Variants in RILP observed in about 807,000 individuals in gnomAD.
RILP encodes the protein Rab interacting lysosomal protein.
In RILP, 53 loss-of-function variants were observed where a neutral mutation model predicts 40.0. The ratio of observed to expected loss-of-function variants is 1.32; its 90% CI spans 1.06 to 1.66. RILP has a LOEUF of 1.66. RILP is among the 40% of genes most tolerant of loss of function. RILP has a pLI of 0.00. For missense variants in RILP, 626 were observed against 551.7 expected, an observed-to-expected ratio of 1.13 and a Z score of -1.35; for synonymous variants, 272 against 250.6, an observed-to-expected ratio of 1.09 and a Z score of -0.80.
At position 1,649,558 on chromosome 17, in the gene RILP, A is replaced by G. The variant is rs1187700528; in HGVS notation, c.228+19T>C. 1.3e-6 allele frequency: 2 copies of G among 1,523,884 alleles called. No individual in the cohort carries two copies. Among genetic ancestry groups the G allele is most frequent in the Non-Finnish European group, 8.7e-7 (1 of 1,143,420 alleles). 94.4% of individuals were successfully genotyped at this position (1,523,884 alleles called of 1,614,324 possible). On this transcript the variant is annotated intron_variant, in intron 1 of 7. Transcript: ENST00000301336. The surrounding 1 kb of genome is among the most constrained non-coding windows in gnomAD (Gnocchi z 4.3). ...GCCCTGCCGGCCCCGTGGGTGGCGA[A>G]GGGAGGGCCATGACTCACCGAGTCC...
rs954118471 is a variant in RILP, at chr17:1,649,050, A to C, written c.430-6T>G. ...CGCTGCAGCTGCTCCTGCAACTGGG[A>C]GCGGAGCAAAGGGTGGGGTGGGCGG... On this transcript the variant is annotated splice_region_variant and splice_polypyrimidine_tract_variant and intron_variant, in intron 3 of 7. Transcript: ENST00000301336. This position sits in a 1 kb window ranked among gnomAD's most constrained non-coding sequence, Gnocchi z 4.3. 1.8e-5 allele frequency: 6 copies of C among 341,244 alleles called. No individual in the cohort carries two copies. In the African/African-American group the frequency reaches 1.9e-4, roughly 11 times the overall value. The allele number at this position is 341,244 out of a possible 1,614,324, so 21.1% of individuals were successfully genotyped here. A position where few individuals can be genotyped will look rare whatever the true frequency, so the allele number is the denominator to read the frequency against.
In RILP at chr17:1,648,471, G is replaced by A. The variant is rs761124084; in HGVS notation, c.700C>T (p.Arg234Cys). The change falls in exon 5 of 8, where the codon CGC becomes TGC. Residue 234 changes from arginine to cysteine, a missense_variant. Arg to Cys is a radical substitution (Grantham distance 180, BLOSUM62 -3). Coordinates refer to ENST00000301336, the MANE Select transcript of RILP (RefSeq NM_031430.3). The surrounding 1 kb of genome is among the most constrained non-coding windows in gnomAD (Gnocchi z 4.9). ...CGGCACTGCCCTGCCTCCGAGGGGC[G>A]CCCGAGCTGCTGCGCGGCCTCCGCC... ...DPAEAAQQLG[R>C]PSEAGQCRFS... The A allele has an allele frequency of 1.9e-6, 3 of 1,613,572 alleles. No individual in the cohort carries two copies. Among genetic ancestry groups the A allele is most frequent in the Non-Finnish European group, 8.5e-7 (1 of 1,179,982 alleles).
At position 1,646,660 on chromosome 17, in the gene RILP, A is replaced by G. The variant is rs1221628142; in HGVS notation, c.1029-41T>C. The stretch of plus-strand genomic sequence containing the variant: ...CAGAGGCACTTTGAGCCAGGAAGCC[A>G]GAGAGGTCAAGGATATGGGTGAGGG... On this transcript the variant is annotated intron_variant, in intron 7 of 7. Coordinates refer to ENST00000301336, the MANE Select transcript of RILP (RefSeq NM_031430.3). The surrounding 1 kb of genome is among the most constrained non-coding windows in gnomAD (Gnocchi z 4.3). 7.8e-6 allele frequency: 12 copies of G among 1,539,616 alleles called. 1 individual carries two copies. The Admixed American group carries it at 1.2e-4, about 15-fold the overall frequency.
Position 1,649,476 on chromosome 17 carries a change from C to T in RILP, c.258G>A (p.Gln86=), listed in dbSNP as rs1910839501. Residue 86 remains glutamine, a synonymous_variant, in exon 2 of 8, where the codon CAG becomes CAA. Transcript: ENST00000301336. This position sits in a 1 kb window ranked among gnomAD's most constrained non-coding sequence, Gnocchi z 4.3. ...SLQVSAQPAE[Q]ELRRLREENE... is the part of the protein sequence containing the mutation. ...TCTCCTCCCGCAGCCGCCGCAGCTC[C>T]TGCTCCGCCGGCTGCGCCGACACCT... 1.3e-6 allele frequency: 2 copies of T among 1,512,562 alleles called. No homozygotes were observed. The highest frequency in any genetic ancestry group is 1.8e-6 in the Non-Finnish European group (2 of 1,138,632). 93.7% of individuals were successfully genotyped at this position (1,512,562 alleles called of 1,614,324 possible).
chr17:1,649,736 C>T lies in RILP; in HGVS notation c.69G>A (p.Ser23=), dbSNP rs753027383. The change falls in exon 1 of 8, where the codon TCG becomes TCA. Residue 23 remains serine, a synonymous_variant. Transcript: ENST00000301336. The surrounding 1 kb of genome is among the most constrained non-coding windows in gnomAD (Gnocchi z 4.3). The stretch of plus-strand genomic sequence containing the variant: ...CTAGATGGTACACAAGCTCCGCGGC[C>T]GATGCCGACCCCGCGGCCTCCCGAG... The part of the protein sequence containing the change: ...WGSREAAGSA[S]AAELVYHLAG... 75 of 1,590,106 alleles carry T rather than the reference C, an allele frequency of 4.7e-5. 1 individual carries two copies. The highest frequency in any genetic ancestry group is 1.9e-4 in the South Asian group (17 of 89,814).
intron 5 of RILP, 25 bp from the exon 6 acceptor site, chr17:1,647,982 G>A (rs756722343): frequency 6.2e-7 from 1 of 1,612,680 alleles, no homozygotes; most frequent in Non-Finnish European, 8.5e-7. Flanking sequence ...CAGGGAGGGA[G>A]AAAGCCCTGG....
intron 6 of RILP, among the ~76,000 whole-genome samples, chr17:1,647,554 G>A (rs11078552): frequency 0.072 from 10,965 of 152,226 alleles, 543 homozygotes; most frequent in East Asian, 0.23. Context: ...GAATGAATGT[G>A]GAGAGGCAGT....
chr17:1,647,132 C>T (rs560341883), intron 6 of RILP, 143 bp from the exon 7 acceptor site: 164 of 457,622 alleles, frequency 3.6e-4, no homozygotes, highest in African/African-American at 1.1e-3. Flanking sequence ...GATGTCGAGC[C>T]TTTAATTTTT....
Position 1,648,418 on chromosome 17 carries a change from G to A in RILP, c.753C>T (p.Ile251=). The stretch of plus-strand genomic sequence containing the variant: ...CTTTGAGTTCATTCCGCTCCTGAAG[G>A]ATCTGCTCAAACTCCTCCCGACTGA... The part of the protein sequence containing the change: ...CRFSREEFEQ[I]LQERNELKAK... Residue 251 remains isoleucine (I), a synonymous_variant, in exon 5 of 8, where the codon ATC becomes ATT. Transcript: ENST00000301336. This position sits in a 1 kb window ranked among gnomAD's most constrained non-coding sequence, Gnocchi z 4.9. 1 of 1,614,158 alleles carries A rather than the reference G, an allele frequency of 6.2e-7. No individual in the cohort carries two copies. Among genetic ancestry groups the A allele is most frequent in the Non-Finnish European group, 8.5e-7 (1 of 1,180,026 alleles).
Position 1,649,213 on chromosome 17 carries a change from T to A in RILP, c.416A>T (p.Gln139Leu). The A allele has an allele frequency of 2.4e-6, 3 of 1,245,506 alleles. No individual in the cohort carries two copies. Among genetic ancestry groups the A allele is most frequent in the South Asian group, 1.3e-5 (1 of 75,624 alleles). 77.2% of individuals were successfully genotyped at this position (1,245,506 alleles called of 1,614,324 possible). Residue 139 changes from glutamine to leucine, a missense_variant, in exon 3 of 8, where the codon CAG becomes CTG. Gln to Leu is a moderately radical substitution (Grantham distance 113, BLOSUM62 -2). Coordinates refer to ENST00000301336, the MANE Select transcript of RILP (RefSeq NM_031430.3). The surrounding 1 kb of genome is among the most constrained non-coding windows in gnomAD (Gnocchi z 4.3). ...CCCCGCCCTCACCGCCTCGGTCTCC[T>A]GGCCGCGCTGCCGCAGGTCGCGGTT... Reference protein sequence around the residue: ...AHNRDLRQRGQETEALQEQLQ... With the variant: ...AHNRDLRQRGLETEALQEQLQ...
Position 1,648,245 on chromosome 17 carries a change from C to T in RILP, c.821+105G>A. Reference sequence around the variant, plus strand: ...GGGCAAGGGCTGTACAATTCATGTCCTCCCAGTTCCCAGCGCAGGCCTGGC... The same window carrying T: ...GGGCAAGGGCTGTACAATTCATGTCTTCCCAGTTCCCAGCGCAGGCCTGGC... On this transcript the variant is annotated intron_variant, in intron 5 of 7. Transcript: ENST00000301336. The surrounding 1 kb of genome is among the most constrained non-coding windows in gnomAD (Gnocchi z 4.9). 1 of 1,412,882 alleles carries T rather than the reference C, an allele frequency of 7.1e-7. No individual in the cohort carries two copies. The highest frequency in any genetic ancestry group is 9.7e-7 in the Non-Finnish European group (1 of 1,035,890). 87.5% of individuals were successfully genotyped at this position (1,412,882 alleles called of 1,614,324 possible).
intron 6 of RILP, among the ~76,000 whole-genome samples, chr17:1,647,384 C>T (rs1910670045): frequency 6.6e-6 from 1 of 152,152 alleles, no homozygotes; most frequent in Admixed American, 6.5e-5. Flanking sequence ...AGGTGATCTA[C>T]CCACCTTAGC....
rs1009093815 is a variant in RILP at position 1,646,910 on chromosome 17, T to A, written c.1024A>T (p.Ser342Cys). 11 of 1,596,536 alleles carry A rather than the reference T, an allele frequency of 6.9e-6. No homozygotes were observed. The highest frequency in any genetic ancestry group is 9.4e-6 in the Non-Finnish European group (11 of 1,171,078). Residue 342 changes from serine (S) to cysteine (C), a missense_variant, in exon 7 of 8, where the codon AGT (serine) becomes TGT (cysteine). Ser to Cys is a moderately radical substitution (Grantham distance 112, BLOSUM62 -1). Transcript: ENST00000301336. This position sits in a 1 kb window ranked among gnomAD's most constrained non-coding sequence, Gnocchi z 4.3. The stretch of plus-strand genomic sequence containing the variant: ...TTTCCCCTTTCCCCAACATACAAAC[T>A]CTGTATTTTGGACTCCGGGGGTGGG... ...HPPPPESKIQSFFGLWYRGKA... is the reference protein window; with the variant it reads ...HPPPPESKIQCFFGLWYRGKA...
At position 1,648,660 on chromosome 17, in the gene RILP, C is replaced by A; in HGVS notation, c.675+139G>T. On this transcript the variant is annotated intron_variant, in intron 4 of 7. Transcript: ENST00000301336. The surrounding 1 kb of genome is among the most constrained non-coding windows in gnomAD (Gnocchi z 4.9). Reference sequence around the variant, plus strand: ...TCCAGCTGAGAGCGGGGGCCGAGGCCGGCCGGGGGCGCAGATCTGTCTGCC... The same window carrying A: ...TCCAGCTGAGAGCGGGGGCCGAGGCAGGCCGGGGGCGCAGATCTGTCTGCC... 5.0e-6 allele frequency: 7 copies of A among 1,400,540 alleles called. No individual in the cohort carries two copies. The highest frequency in any genetic ancestry group is 6.6e-6 in the Non-Finnish European group (7 of 1,066,652). 86.8% of individuals were successfully genotyped at this position (1,400,540 alleles called of 1,614,324 possible).
chr17:1,647,769 G>A, intron 6 of RILP, 66 bp downstream of exon 6: 1 of 1,596,646 alleles, frequency 6.3e-7, no homozygotes, highest in Non-Finnish European at 8.6e-7. Context: ...GACCAGGCTG[G>A]GTCATCAGGC....
At position 1,646,631 on chromosome 17, in the gene RILP, C is replaced by G. The variant is rs561295774; in HGVS notation, c.1029-12G>C. 1.9e-6 allele frequency: 3 copies of G among 1,552,450 alleles called. No individual in the cohort carries two copies. Among genetic ancestry groups the G allele is most frequent in the African/African-American group, 2.7e-5 (2 of 73,032 alleles). ...ACCATAGGCCAAAGCTGGAGAGAGACAGCCAGAGGCACTTTGAGCCAGGAA... is the reference window on the plus strand; with the variant it reads ...ACCATAGGCCAAAGCTGGAGAGAGAGAGCCAGAGGCACTTTGAGCCAGGAA... On this transcript the variant is annotated splice_polypyrimidine_tract_variant and intron_variant, in intron 7 of 7. Coordinates refer to ENST00000301336, the MANE Select transcript of RILP (RefSeq NM_031430.3). This position sits in a 1 kb window ranked among gnomAD's most constrained non-coding sequence, Gnocchi z 4.3.
In RILP at chr17:1,649,250, G is replaced by C. The variant is rs1377043804; in HGVS notation, c.379C>G (p.Leu127Val). The C allele has an allele frequency of 4.6e-6, 7 of 1,505,884 alleles. No individual in the cohort carries two copies. Among genetic ancestry groups the C allele is most frequent in the Non-Finnish European group, 1.8e-6 (2 of 1,135,318 alleles). 93.3% of individuals were successfully genotyped at this position (1,505,884 alleles called of 1,614,324 possible). ...KEVTDRQRDE[L>V]RAHNRDLRQR... ...CGCAGGTCGCGGTTGTGCGCCCGGA[G>C]TTCGTCCCGCTGTCGGTCCGTGACC... Residue 127 changes from leucine to valine, a missense_variant, in exon 3 of 8, where the codon CTC becomes GTC. Coordinates refer to ENST00000301336, the MANE Select transcript of RILP (RefSeq NM_031430.3). The surrounding 1 kb of genome is among the most constrained non-coding windows in gnomAD (Gnocchi z 4.3).
chr17:1,648,215 C>A lies in RILP; in HGVS notation c.821+135G>T. 1 of 1,210,530 alleles carries A rather than the reference C, an allele frequency of 8.3e-7. No homozygotes were observed. Among genetic ancestry groups the A allele is most frequent in the African/African-American group, 1.5e-5 (1 of 65,892 alleles). 75.0% of individuals were successfully genotyped at this position (1,210,530 alleles called of 1,614,324 possible). On this transcript the variant is annotated intron_variant, in intron 5 of 7. Coordinates refer to ENST00000301336, the MANE Select transcript of RILP (RefSeq NM_031430.3). This position sits in a 1 kb window ranked among gnomAD's most constrained non-coding sequence, Gnocchi z 4.9. ...CCTCTCCCCTGTCTGGATGACATTG[C>A]AGGAGGGCAAGGGCTGTACAATTCA... is the stretch of plus-strand genomic sequence containing the variant.
In RILP at chr17:1,649,791, C is replaced by T; in HGVS notation, c.14G>A (p.Arg5Lys). Residue 5 changes from arginine (R) to lysine (K), a missense_variant, in exon 1 of 8, where the codon AGG (arginine) becomes AAG (lysine). Arg to Lys is a conservative substitution (Grantham distance 26, BLOSUM62 2). Coordinates refer to ENST00000301336, the MANE Select transcript of RILP (RefSeq NM_031430.3). This position sits in a 1 kb window ranked among gnomAD's most constrained non-coding sequence, Gnocchi z 4.3. MEPR[R>K]AAPGVPGWGS... ...CCAGCCAGGCACCCCGGGCGCCGCC[C>T]TCCTGGGCTCCATGTCTCCCAGAGG... The T allele has an allele frequency of 1.3e-6, 2 of 1,548,784 alleles. No homozygotes were observed. Among genetic ancestry groups the T allele is most frequent in the Non-Finnish European group, 1.7e-6 (2 of 1,154,108 alleles).
Sources: allele counts gnomAD v4.1 joint callset (sites outside exome capture counted in the v4.1 genomes callset), GRCh38; gene constraint gnomAD v4.1.1; non-coding constraint Gnocchi (gnomAD v3.1); transcripts MANE v1.5; gene names NCBI Gene and HGNC (gene_info 2026-07-23, HGNC 2026-07-21).